Variants in AGBL1 observed in about 807,000 individuals in gnomAD.
AGBL1 encodes the protein AGBL carboxypeptidase 1.
Under a neutral mutation model 118.9 loss-of-function variants are expected in AGBL1, and 130 were observed. The ratio of observed to expected loss-of-function variants is 1.09; its 90% CI spans 0.95 to 1.26. AGBL1 has a LOEUF of 1.26. AGBL1 is among the 50% of genes most tolerant of loss of function. AGBL1 has a pLI of 0.00. For synonymous variants in AGBL1, 555 were observed against 478.9 expected, an observed-to-expected ratio of 1.16 and a Z score of -2.08; for missense variants, 1,584 against 1,298.1, an observed-to-expected ratio of 1.22 and a Z score of -3.38.
At position 86,558,070 on chromosome 15, in the gene AGBL1, C is replaced by G. The variant is rs140114213; in HGVS notation, c.2994+3533C>G. Among the ~76,000 whole-genome samples, 926 of 152,196 alleles carry G rather than the reference C, an allele frequency of 6.1e-3. 3 individuals carry two copies. Among genetic ancestry groups the G allele is most frequent in the Non-Finnish European group, 0.01 (686 of 68,020 alleles). Reference sequence around the variant, plus strand: ...AGATATGGTTTGAGAGACAATAATCCACCCAATGGATTATTTCCCAGAGTA... The same window carrying G: ...AGATATGGTTTGAGAGACAATAATCGACCCAATGGATTATTTCCCAGAGTA... On this transcript the variant is annotated intron_variant, in intron 21 of 22. Coordinates refer to ENST00000614907, the MANE Select transcript of AGBL1 (RefSeq NM_001386094.1).
chr15:86,483,276 G>C (rs989784895), intron 18 of AGBL1, among the ~76,000 whole-genome samples: 1 of 152,064 alleles, frequency 6.6e-6, no homozygotes, highest in Non-Finnish European at 1.5e-5. Flanking sequence ...CCACTTCATG[G>C]TTGATGGTCT....
chr15:86,731,713 A>C (rs1430796613), intron 22 of AGBL1, among the ~76,000 whole-genome samples: 1 of 152,212 alleles, frequency 6.6e-6, no homozygotes, highest in Non-Finnish European at 1.5e-5. Context: ...ACTGACTTTC[A>C]AGTTGCAGAG....
chr15:86,226,868 G>T (rs527893842), intron 6 of AGBL1, among the ~76,000 whole-genome samples: 2 of 152,268 alleles, frequency 1.3e-5, no homozygotes, highest in South Asian at 4.1e-4. Flanking sequence ...ACTCAGACTT[G>T]ATTACATTGT....
At chr15:86,857,643 G>C (rs2079502195) in intron 22 of AGBL1, among the ~76,000 whole-genome samples, 1 of 152,142 alleles carries the variant, frequency 6.6e-6, no homozygotes, top group African/African-American at 2.4e-5. Flanking sequence ...ATCACAGAGA[G>C]TAGTCATTTG....
intron 1 of AGBL1, among the ~76,000 whole-genome samples, chr15:86,094,070 AC>A (rs1354054682): frequency 6.6e-6 from 1 of 152,168 alleles, no homozygotes; most frequent in East Asian, 1.9e-4. Context: ...ATAATATCAG[AC>A]AATGTGAACT....
chr15:86,565,548 G>T (rs940421364), intron 21 of AGBL1, among the ~76,000 whole-genome samples: 2 of 152,234 alleles, frequency 1.3e-5, no homozygotes, highest in African/African-American at 4.8e-5. Context: ...CCTACTGGGG[G>T]GTGCCTCCCA....
chr15:86,720,365 C>A (rs779579436), intron 22 of AGBL1, among the ~76,000 whole-genome samples: 2 of 152,200 alleles, frequency 1.3e-5, no homozygotes, highest in Non-Finnish European at 2.9e-5. Flanking sequence ...TACTTTCTGT[C>A]ATTCCTAGCC....
At chr15:86,248,945 G>T (rs552263503) in intron 7 of AGBL1, among the ~76,000 whole-genome samples, 7 of 152,250 alleles carry the variant, frequency 4.6e-5, no homozygotes, top group Middle Eastern at 3.4e-3. Context: ...GGTCATGCTG[G>T]TCAGGCCAAG....
At chr15:87,024,376 A>C (rs984641046) in intron 24 of AGBL1, among the ~76,000 whole-genome samples, 6 of 152,174 alleles carry the variant, frequency 3.9e-5, no homozygotes, top group African/African-American at 1.4e-4. Context: ...TTAGAAACCT[A>C]GAAGAAATGG....
intron 21 of AGBL1, among the ~76,000 whole-genome samples, chr15:86,579,932 A>G (rs2084151100): frequency 6.6e-6 from 1 of 151,432 alleles, no homozygotes; most frequent in South Asian, 2.1e-4. Flanking sequence ...CTGGGAATGT[A>G]AGAAGGAAAA....
chr15:86,268,384 T>C (rs1160743915), intron 13 of AGBL1, among the ~76,000 whole-genome samples: 1 of 152,166 alleles, frequency 6.6e-6, no homozygotes, highest in African/African-American at 2.4e-5. Flanking sequence ...CTTTTACTAT[T>C]TCTTCTCTCC....
At chr15:86,460,991 G>A (rs995559995) in intron 18 of AGBL1, among the ~76,000 whole-genome samples, 8 of 152,180 alleles carry the variant, frequency 5.3e-5, no homozygotes, top group Non-Finnish European at 1.5e-5. Flanking sequence ...TTCCACCCCA[G>A]AAGTTCAAAG....
At chr15:86,802,784 C>A (rs1047085560) in intron 22 of AGBL1, among the ~76,000 whole-genome samples, 2 of 152,126 alleles carry the variant, frequency 1.3e-5, no homozygotes, top group African/African-American at 4.8e-5. Context: ...TGTGGTCAGA[C>A]AGACCTGCAT....
At chr15:86,958,482 C>T (rs2080956831) in intron 23 of AGBL1, among the ~76,000 whole-genome samples, 1 of 152,002 alleles carries the variant, frequency 6.6e-6, no homozygotes. Flanking sequence ...GACCTACATT[C>T]ATAGAAATTT....
intron 5 of AGBL1, among the ~76,000 whole-genome samples, chr15:86,204,559 C>T (rs2077960420): frequency 1.3e-5 from 2 of 148,496 alleles, no homozygotes; most frequent in African/African-American, 4.9e-5. Context: ...TCTTTGCTTG[C>T]TTGCTCTTTC....
chr15:86,547,809 A>G (rs1239641021), intron 20 of AGBL1, among the ~76,000 whole-genome samples: 2 of 152,154 alleles, frequency 1.3e-5, no homozygotes, highest in Admixed American at 6.6e-5. Flanking sequence ...AATTTTCTAC[A>G]TAGTTTATTA....
At chr15:86,584,313 T>G (rs189614010) in intron 21 of AGBL1, among the ~76,000 whole-genome samples, 1 of 152,330 alleles carries the variant, frequency 6.6e-6, no homozygotes, top group East Asian at 1.9e-4. Context: ...TTCTTTTAGT[T>G]TAAGGTGTTA....
At chr15:86,814,578 G>A (rs990471406) in intron 22 of AGBL1, among the ~76,000 whole-genome samples, 4 of 152,152 alleles carry the variant, frequency 2.6e-5, no homozygotes, top group Non-Finnish European at 4.4e-5. Context: ...TATTCCATCA[G>A]GTAGAGAGGA....
intron 17 of AGBL1, among the ~76,000 whole-genome samples, chr15:86,351,190 T>G (rs9972464): frequency 0.028 from 4,233 of 152,276 alleles, 215 homozygotes; most frequent in African/African-American, 0.096. Flanking sequence ...TAGAAGGGTC[T>G]TCTTCTTGCA....
Sources: gnomAD v4.1 joint callset for allele counts (sites outside exome capture counted in the v4.1 genomes callset) on GRCh38, gnomAD v4.1.1 for gene constraint, MANE v1.5 for transcripts, NCBI Gene and HGNC (gene_info 2026-07-23, HGNC 2026-07-21) for gene names.